The following NDST4 variants were observed in gnomAD, a reference collection of about 807,000 sequenced individuals.
The protein encoded by NDST4 is N-heparan sulfate sulfotransferase 4.
NDST4 carries 63 observed loss-of-function variants against 100.8 expected under a neutral mutation model. That is an observed-to-expected ratio of 0.62 (90% CI 0.51 to 0.77). The LOEUF (loss-of-function observed/expected upper bound fraction) is 0.77, where lower values mean the gene tolerates loss of function less well. Among genes scored for constraint, NDST4 ranks in the 30% least tolerant of loss-of-function variants. The pLI, the probability that NDST4 is intolerant of heterozygous loss-of-function variation, is 0.00. For missense variants in NDST4, 943 were observed against 1,018.4 expected, an observed-to-expected ratio of 0.93 and a Z score of 1.01; for synonymous variants, 377 against 361.8, an observed-to-expected ratio of 1.04 and a Z score of -0.48.
intron 2 of NDST4, among the ~76,000 whole-genome samples, chr4:115,003,266 C>T (rs1727338030): frequency 6.6e-6 from 1 of 152,100 alleles, no homozygotes; most frequent in Admixed American, 6.6e-5. Flanking sequence ...AAAAAGAATT[C>T]TAGATGTTTA....
intron 2 of NDST4, among the ~76,000 whole-genome samples, chr4:115,015,023 G>T (rs1388220740): frequency 6.6e-6 from 1 of 152,024 alleles, no homozygotes; most frequent in African/African-American, 2.4e-5. Context: ...CAATACATTT[G>T]AACTGGGTAT....
At chr4:114,995,358 C>T (rs893843997) in intron 2 of NDST4, among the ~76,000 whole-genome samples, 1 of 152,010 alleles carries the variant, frequency 6.6e-6, no homozygotes, top group Non-Finnish European at 1.5e-5. Context: ...ATCATGTATA[C>T]TATTGATTCA....
intron 1 of NDST4, among the ~76,000 whole-genome samples, chr4:115,098,708 T>C (rs1445073174): frequency 6.6e-6 from 1 of 152,126 alleles, no homozygotes; most frequent in Non-Finnish European, 1.5e-5. Context: ...TTCTTTTTTA[T>C]TTTTTAATCA....
intron 6 of NDST4, among the ~76,000 whole-genome samples, chr4:114,932,137 T>G (rs1578397096): frequency 6.6e-6 from 1 of 151,992 alleles, no homozygotes; most frequent in South Asian, 2.1e-4. Context: ...ATCAAAACAT[T>G]AATACACCAC....
chr4:114,964,131 G>C (rs1726327731), intron 4 of NDST4, among the ~76,000 whole-genome samples: 1 of 152,144 alleles, frequency 6.6e-6, no homozygotes, highest in Non-Finnish European at 1.5e-5. Context: ...GCCAATTACT[G>C]TGTTGTGAGC....
chr4:114,999,760 A>G (rs969380102), intron 2 of NDST4, among the ~76,000 whole-genome samples: 3 of 152,056 alleles, frequency 2.0e-5, no homozygotes, highest in Non-Finnish European at 2.9e-5. Flanking sequence ...CAGAAAATGT[A>G]TCCTAAAATA....
intron 4 of NDST4, among the ~76,000 whole-genome samples, chr4:114,948,620 G>A (rs1725922723): frequency 6.6e-6 from 1 of 151,910 alleles, no homozygotes; most frequent in African/African-American, 2.4e-5. Context: ...TGGAAATAAG[G>A]TCATCAATAC....
At chr4:114,986,581 G>C (rs1726905842) in intron 2 of NDST4, among the ~76,000 whole-genome samples, 1 of 151,604 alleles carries the variant, frequency 6.6e-6, no homozygotes, top group Admixed American at 6.6e-5. Flanking sequence ...TCTTATTTCA[G>C]TTCATAAAGA....
intron 4 of NDST4, among the ~76,000 whole-genome samples, chr4:114,947,256 A>AT (rs1725887088): frequency 6.6e-6 from 1 of 152,184 alleles, no homozygotes; most frequent in Admixed American, 6.5e-5. Flanking sequence ...TTGAGGCTCT[A>AT]TAGGGAAGTA....
At chr4:114,880,768 T>C (rs896487103) in intron 6 of NDST4, among the ~76,000 whole-genome samples, 7 of 152,276 alleles carry the variant, frequency 4.6e-5, no homozygotes, top group African/African-American at 1.7e-4. Context: ...TATGATACAA[T>C]GTGAAATGGA....
At chr4:115,011,675 T>G (rs1056908656) in intron 2 of NDST4, among the ~76,000 whole-genome samples, 2 of 151,944 alleles carry the variant, frequency 1.3e-5, no homozygotes, top group African/African-American at 4.8e-5. Context: ...AGTAATGTAG[T>G]GTCTATTTAA....
intron 1 of NDST4, among the ~76,000 whole-genome samples, chr4:115,096,422 C>G (rs1018337729): frequency 2.0e-5 from 3 of 152,010 alleles, no homozygotes; most frequent in Non-Finnish European, 4.4e-5. Flanking sequence ...CTTCAAACTT[C>G]TAACATTTCT....
At position 114,961,595 on chromosome 4, in the gene NDST4, A is replaced by G. The variant is rs115507417; in HGVS notation, c.1221+8835T>C. Among the ~76,000 whole-genome samples, 1,209 of 151,576 alleles carry G rather than the reference A, an allele frequency of 8.0e-3. 20 individuals carry two copies. The highest frequency in any genetic ancestry group is 0.028 in the African/African-American group (1,143 of 41,014). On this transcript the variant is annotated intron_variant, in intron 4 of 13. Transcript: ENST00000264363. The stretch of plus-strand genomic sequence containing the variant: ...CCAAATATTTGATAACTTAGATAAA[A>G]TTAGTAAATGTCTAGACACACACAA...
At chr4:115,097,601 C>G (rs904432297) in intron 1 of NDST4, among the ~76,000 whole-genome samples, 1 of 152,142 alleles carries the variant, frequency 6.6e-6, no homozygotes. Context: ...CTCCACTGGA[C>G]TATTGAAATT....
intron 7 of NDST4, among the ~76,000 whole-genome samples, chr4:114,859,418 G>A (rs1723869328): frequency 6.6e-6 from 1 of 152,176 alleles, no homozygotes; most frequent in South Asian, 2.1e-4. Flanking sequence ...ATTTCCCCAG[G>A]CAGGAAGTTT....
At chr4:114,979,749 T>C (rs151250168) in intron 2 of NDST4, among the ~76,000 whole-genome samples, 80 of 151,624 alleles carry the variant, frequency 5.3e-4, no homozygotes, top group African/African-American at 1.9e-3. Context: ...GACCTTTTCA[T>C]TGTTGAAAAA....
chr4:115,012,940 G>T (rs1020969696), intron 2 of NDST4, among the ~76,000 whole-genome samples: 1 of 151,860 alleles, frequency 6.6e-6, no homozygotes, highest in African/African-American at 2.4e-5. Flanking sequence ...GATAAGTGAA[G>T]TAAGCTAGAC....
chr4:114,949,391 G>A (rs897213376), intron 4 of NDST4, among the ~76,000 whole-genome samples: 6 of 151,898 alleles, frequency 4.0e-5, no homozygotes, highest in Non-Finnish European at 8.8e-5. Context: ...TCCAGCCTTT[G>A]TACCAAAAAA....
intron 7 of NDST4, among the ~76,000 whole-genome samples, chr4:114,853,935 T>C (rs548613490): frequency 5.9e-5 from 9 of 152,366 alleles, no homozygotes; most frequent in Non-Finnish European, 1.3e-4. Context: ...GGGTATCCAT[T>C]ACTTCAAGCA....
Sources: allele counts gnomAD v4.1 joint callset (sites outside exome capture counted in the v4.1 genomes callset), GRCh38; gene constraint gnomAD v4.1.1; transcripts MANE v1.5; gene names NCBI Gene and HGNC (gene_info 2026-07-23, HGNC 2026-07-21).